Variants in RANGAP1 observed in about 807,000 individuals in gnomAD.
The protein encoded by RANGAP1 is ran GTPase-activating protein 1.
A neutral mutation model predicts 63.5 loss-of-function variants in RANGAP1; 38 were observed. The observed-to-expected ratio is 0.60, with a 90% CI of 0.46 to 0.78. The LOEUF (loss-of-function observed/expected upper bound fraction) is 0.78, where lower values mean the gene tolerates loss of function less well. RANGAP1 is among the 30% of genes least tolerant of loss of function. The probability of loss-of-function intolerance (pLI) is 0.00; values close to 1 mark genes in which losing one functional copy is unlikely to be tolerated. For synonymous variants in RANGAP1, 329 were observed against 310.5 expected (o/e 1.06, Z -0.63); for missense variants, 630 against 740.3 (o/e 0.85, Z 1.73).
At chr22:41,296,606 C>G in the RANGAP1 span, among the ~76,000 whole-genome samples, 1 of 149,480 alleles carries the variant, frequency 6.7e-6, no homozygotes, top group East Asian at 2.0e-4. Context: ...GAGATTGTGC[C>G]ACTACACTCT....
intron 4 of RANGAP1, among the ~76,000 whole-genome samples, chr22:41,265,956 A>G (rs943262370): frequency 6.6e-6 from 1 of 151,930 alleles, no homozygotes; most frequent in Non-Finnish European, 1.5e-5. Flanking sequence ...TAATCCCAGC[A>G]CTTTGGGAGG....
intron 15 of RANGAP1, 37 bp from the exon 16 acceptor site, chr22:41,246,709 C>T (rs2033060318): frequency 1.3e-6 from 2 of 1,500,910 alleles, no homozygotes; most frequent in Non-Finnish European, 1.8e-6. Flanking sequence ...CGGTGGATGC[C>T]TCTTGGCCTG....
chr22:41,248,806 G>C (rs1432744893), intron 15 of RANGAP1, among the ~76,000 whole-genome samples: 1 of 152,232 alleles, frequency 6.6e-6, no homozygotes, highest in Non-Finnish European at 1.5e-5. Context: ...TCCAGAACAA[G>C]GCCAAGGTTC....
At chr22:41,281,571 C>A in intron 1 of RANGAP1, 1 of 988,732 alleles carries the variant, frequency 1.0e-6, no homozygotes. Context: ...CCCACGCTGG[C>A]ATGACTCTGG....
chr22:41,280,118 CAGGG>C (rs1332808109), intron 2 of RANGAP1, among the ~76,000 whole-genome samples: 1 of 152,002 alleles, frequency 6.6e-6, no homozygotes. Flanking sequence ...GATAAATGCA[CAGGG>C]AGGAAGTCTA....
intron 6 of RANGAP1, among the ~76,000 whole-genome samples, chr22:41,261,136 C>A (rs949915044): frequency 4.6e-5 from 7 of 152,234 alleles, no homozygotes. Flanking sequence ...CACCATCTCA[C>A]TTCACCACTT....
intron 4 of RANGAP1, among the ~76,000 whole-genome samples, chr22:41,265,935 G>A (rs2034439934): frequency 6.6e-6 from 1 of 151,306 alleles, no homozygotes; most frequent in Non-Finnish European, 1.5e-5. Flanking sequence ...GGGTGCGGTG[G>A]CTCACGCCTG....
At chr22:41,297,686 CTTTT>C in the RANGAP1 span, among the ~76,000 whole-genome samples, 2 of 93,368 alleles carry the variant, frequency 2.1e-5, no homozygotes, top group Non-Finnish European at 4.1e-5. Context: ...CCACACCTGG[CTTTT>C]TTTTTTTTTT....
intron 6 of RANGAP1, among the ~76,000 whole-genome samples, chr22:41,260,282 G>A (rs1332187343): frequency 2.0e-5 from 3 of 152,168 alleles, no homozygotes; most frequent in African/African-American, 4.8e-5. Flanking sequence ...CAACCACAGC[G>A]CACCCCCTCC....
chr22:41,274,828 G>A (rs1161848291), intron 2 of RANGAP1, 101 bp from the exon 3 acceptor site: 15 of 1,453,338 alleles, frequency 1.0e-5, no homozygotes, highest in Non-Finnish European at 1.4e-5. Context: ...AGTCTATGGT[G>A]CACCTACCAT....
chr22:41,292,793 AT>A, the RANGAP1 span, among the ~76,000 whole-genome samples: 675 of 150,494 alleles, frequency 4.5e-3, no homozygotes, highest in Non-Finnish European at 6.3e-3. Context: ...AATGGAAACA[AT>A]TTTTTTTTTC....
chr22:41,258,525 C>A (rs928730762), intron 6 of RANGAP1, among the ~76,000 whole-genome samples: 6 of 152,240 alleles, frequency 3.9e-5, no homozygotes, highest in South Asian at 2.1e-4. Flanking sequence ...CCCACCTACA[C>A]AACATAACCC....
chr22:41,276,092 A>G (rs968665267), intron 2 of RANGAP1, among the ~76,000 whole-genome samples: 1 of 152,240 alleles, frequency 6.6e-6, no homozygotes, highest in Non-Finnish European at 1.5e-5. Flanking sequence ...TGTTATAGCA[A>G]TAAGTGAAAA....
chr22:41,246,083 T>C lies in RANGAP1; in HGVS notation c.*520A>G, dbSNP rs1188578901. On this transcript the variant is annotated 3_prime_UTR_variant, in exon 16 of 16. Coordinates refer to ENST00000356244, the MANE Select transcript of RANGAP1 (RefSeq NM_002883.4). ...TCTTCAGGCTGAGCGGTCAGCACAG[T>C]GGTATGGATGGTAGGGGTGACAGCT... The C allele has an allele frequency of 6.1e-6, 1 of 163,404 alleles. No individual in the cohort carries two copies. The highest frequency in any genetic ancestry group is 1.3e-5 in the Non-Finnish European group (1 of 74,914). 10.1% of individuals were successfully genotyped at this position (163,404 alleles called of 1,614,324 possible). A position where few individuals can be genotyped will look rare whatever the true frequency, so the allele number is the denominator to read the frequency against.
chr22:41,260,867 G>T (rs2034126304), intron 6 of RANGAP1, among the ~76,000 whole-genome samples: 1 of 152,124 alleles, frequency 6.6e-6, no homozygotes, highest in South Asian at 2.1e-4. Context: ...AGAGAGGAGG[G>T]AGACAGACCC....
chr22:41,269,992 C>T (rs1479165683), intron 3 of RANGAP1, among the ~76,000 whole-genome samples: 1 of 152,050 alleles, frequency 6.6e-6, no homozygotes, highest in African/African-American at 2.4e-5. Context: ...CGCTACCACG[C>T]CCAGCTAATT....
At chr22:41,285,819 C>T (rs1037066204) in intron 1 of RANGAP1, 167 bp downstream of exon 1, 3 of 636,250 alleles carry the variant, frequency 4.7e-6, no homozygotes, top group African/African-American at 2.0e-5. Flanking sequence ...GCCAGCGCCG[C>T]TCAACAACCC....
chr22:41,277,766 T>C (rs949653636), intron 2 of RANGAP1, among the ~76,000 whole-genome samples: 3 of 152,184 alleles, frequency 2.0e-5, no homozygotes, highest in Admixed American at 6.5e-5. Flanking sequence ...TGGCAAGGGA[T>C]GAAAAGACTT....
intron 13 of RANGAP1, 104 bp from the exon 14 acceptor site, chr22:41,249,921 T>C (rs1601587759): frequency 1.0e-6 from 1 of 993,472 alleles, no homozygotes; most frequent in African/African-American, 1.6e-5. Context: ...CTCGCCTGCC[T>C]CCTCGCCCTG....
Sources: allele counts gnomAD v4.1 joint callset (sites outside exome capture counted in the v4.1 genomes callset), GRCh38; gene constraint gnomAD v4.1.1; transcripts MANE v1.5; gene names NCBI Gene and HGNC (gene_info 2026-07-23, HGNC 2026-07-21).